Variants in SOX6 observed in about 807,000 individuals in gnomAD.
The protein encoded by SOX6 is transcription factor SOX-6.
Under a neutral mutation model 97.8 loss-of-function variants are expected in SOX6, and 11 were observed. The ratio of observed to expected loss-of-function variants is 0.11; its 90% CI spans 0.07 to 0.19. The LOEUF (loss-of-function observed/expected upper bound fraction) is 0.19. SOX6 is among the 10% of genes least tolerant of loss of function. The pLI, the probability that SOX6 is intolerant of heterozygous loss-of-function variation, is 1.00. For missense variants in SOX6, 810 were observed against 1,039.5 expected (o/e 0.78, Z 3.04); for synonymous variants, 360 against 371.4 (o/e 0.97, Z 0.35).
chr11:16,009,199 A>T (rs1296948470), intron 13 of SOX6, among the ~76,000 whole-genome samples: 1 of 152,038 alleles, frequency 6.6e-6, no homozygotes, highest in Non-Finnish European at 1.5e-5. Flanking sequence ...ATAATTACAC[A>T]ATAATTGTAT....
At chr11:16,599,032 A>G (rs1313673512) in intron 4 of SOX6, among the ~76,000 whole-genome samples, 1 of 152,148 alleles carries the variant, frequency 6.6e-6, no homozygotes, top group Admixed American at 6.5e-5. Flanking sequence ...CTTTGAATTT[A>G]TCTTATATTT....
intron 9 of SOX6, among the ~76,000 whole-genome samples, chr11:16,075,672 G>A (rs914087925): frequency 1.1e-4 from 16 of 152,072 alleles, no homozygotes; most frequent in Non-Finnish European, 2.1e-4. Context: ...GGGGGCTGGG[G>A]GAGGGATAGC....
At chr11:16,278,342 C>T (rs1203506640) in intron 3 of SOX6, among the ~76,000 whole-genome samples, 1 of 151,982 alleles carries the variant, frequency 6.6e-6, no homozygotes, top group Non-Finnish European at 1.5e-5. Context: ...TCAAATAACC[C>T]AACAAGGCAT....
intron 3 of SOX6, among the ~76,000 whole-genome samples, chr11:16,246,385 T>G (rs999327568): frequency 1.3e-5 from 2 of 151,950 alleles, no homozygotes; most frequent in Non-Finnish European, 1.5e-5. Flanking sequence ...CATCTAGTAT[T>G]ATTTTCTTCA....
intron 4 of SOX6, among the ~76,000 whole-genome samples, chr11:16,551,622 GA>G (rs1847687553): frequency 6.6e-6 from 1 of 151,644 alleles, no homozygotes; most frequent in Non-Finnish European, 1.5e-5. Context: ...ATATTTTTTT[GA>G]GACAGAGTCT....
rs181554488 is a variant in SOX6, at chr11:16,232,035, T to C, written c.535+2547A>G. On this transcript the variant is annotated intron_variant, in intron 4 of 15. Transcript: ENST00000683767. ...TATGTTTCTTACAGATAAATACATA[T>C]GAATTTTATAATCAGAAAAATATAA... Among the ~76,000 whole-genome samples the C allele has an allele frequency of 8.6e-3, 1,314 of 151,930 alleles. 26 individuals are homozygous for C. Among genetic ancestry groups the C allele is most frequent in the African/African-American group, 0.03 (1,231 of 41,536 alleles).
intron 3 of SOX6, among the ~76,000 whole-genome samples, chr11:16,255,436 C>T (rs1429081942): frequency 1.3e-5 from 2 of 151,924 alleles, no homozygotes; most frequent in Non-Finnish European, 2.9e-5. Context: ...AACTAGAAAT[C>T]GGTAACAGAA....
At chr11:16,640,929 A>G (rs926082813) in intron 3 of SOX6, among the ~76,000 whole-genome samples, 8 of 151,768 alleles carry the variant, frequency 5.3e-5, no homozygotes, top group African/African-American at 1.5e-4. Flanking sequence ...CTCTGATCTT[A>G]GTTATTTCTT....
intron 3 of SOX6, among the ~76,000 whole-genome samples, chr11:16,638,821 C>A (rs945613918): frequency 1.2e-4 from 18 of 151,900 alleles, no homozygotes; most frequent in Admixed American, 1.2e-3. Context: ...TGATATTAGC[C>A]CTTTGTCAGA....
At chr11:16,379,209 G>A (rs984860966) in intron 1 of SOX6, among the ~76,000 whole-genome samples, 1 of 152,156 alleles carries the variant, frequency 6.6e-6, no homozygotes, top group African/African-American at 2.4e-5. Context: ...GTTCATGCCT[G>A]TAATCCCAAC....
upstream of SOX6, among the ~76,000 whole-genome samples, chr11:16,360,299 G>T: frequency 6.6e-6 from 1 of 152,078 alleles, no homozygotes; most frequent in African/African-American, 2.4e-5. Flanking sequence ...TATATATTCT[G>T]ATTCTTTCCT....
At position 16,132,448 on chromosome 11, in the gene SOX6, G is replaced by A. The variant is rs866943036; in HGVS notation, c.778-20525C>T. Among the ~76,000 whole-genome samples, 74 of 74,102 alleles carry A rather than the reference G, an allele frequency of 1.0e-3. 1 individual carries two copies. The highest frequency in any genetic ancestry group is 2.0e-3 in the South Asian group (4 of 1,998). The allele number at this position is 74,102 out of a possible 152,430, so 48.6% of individuals were successfully genotyped here. On this transcript the variant is annotated intron_variant, in intron 6 of 15. Coordinates refer to ENST00000683767, the MANE Select transcript of SOX6 (RefSeq NM_001367873.1). ...AAGAAAGAAAGAAAGAAAGAAAAAAGAAAGAAAGAAAGAAAGAAAGAAAGA... is the reference window on the plus strand; with the variant it reads ...AAGAAAGAAAGAAAGAAAGAAAAAAAAAAGAAAGAAAGAAAGAAAGAAAGA...
intron 3 of SOX6, among the ~76,000 whole-genome samples, chr11:16,287,123 G>A (rs905223007): frequency 1.3e-5 from 2 of 151,950 alleles, no homozygotes; most frequent in Non-Finnish European, 2.9e-5. Context: ...ATGTAAAATT[G>A]TTGTTCTGAT....
At chr11:16,147,726 A>G (rs1339035353) in intron 6 of SOX6, among the ~76,000 whole-genome samples, 1 of 152,104 alleles carries the variant, frequency 6.6e-6, no homozygotes, top group Non-Finnish European at 1.5e-5. Flanking sequence ...ATCTCTTCCC[A>G]TCCACATGGA....
In SOX6 at chr11:16,461,430, C is replaced by A. The variant is rs572354467; in HGVS notation, c.-5+14885G>T. Among the ~76,000 whole-genome samples, 25 of 152,150 alleles carry A rather than the reference C, an allele frequency of 1.6e-4. No homozygotes were observed. In the South Asian group the frequency reaches 5.2e-3, roughly 32 times the overall value. On this transcript the variant is annotated intron_variant, in intron 1 of 15. Transcript: ENST00000396356. ...GTTGTGATGGTCCCCTATGATCTAC[C>A]GAATGCCTTAGCTTAGCCTTATGGA...
intron 9 of SOX6, among the ~76,000 whole-genome samples, chr11:16,061,141 C>G (rs1422242144): frequency 6.6e-6 from 1 of 151,558 alleles, no homozygotes; most frequent in Non-Finnish European, 1.5e-5. Flanking sequence ...TTTAATCACA[C>G]TGTTTCACAG....
In SOX6 at chr11:16,111,851, C is replaced by T; in HGVS notation, c.850G>A (p.Ala284Thr). The T allele has an allele frequency of 6.2e-7, 1 of 1,612,956 alleles. No individual in the cohort carries two copies. Among genetic ancestry groups the T allele is most frequent in the Admixed American group, 1.7e-5 (1 of 59,976 alleles). The change falls in exon 7 of 16, where the codon GCT (alanine) becomes ACT (threonine). Residue 284 changes from alanine (A) to threonine (T), a missense_variant. Ala to Thr is a moderately conservative substitution (Grantham distance 58, BLOSUM62 0). Transcript: ENST00000683767. ...HDQRTLAAAA[A>T]AQQGFLFPPG... ...GGGAAGAGGAATCCCTGTTGGGCAG[C>T]AGCAGCTGCTGCCAGAGTCCGCTGG...
intron 1 of SOX6, among the ~76,000 whole-genome samples, chr11:16,389,929 C>T (rs371879057): frequency 5.3e-5 from 7 of 132,844 alleles, no homozygotes; most frequent in African/African-American, 2.1e-4. Flanking sequence ...GAGATGGCGC[C>T]ACTGCAGTCT....
At chr11:16,579,749 C>A (rs115008854) in intron 4 of SOX6, among the ~76,000 whole-genome samples, 2 of 152,022 alleles carry the variant, frequency 1.3e-5, no homozygotes, top group East Asian at 1.9e-4. Flanking sequence ...AAAATTGCTA[C>A]GAACAAGCGG....
Sources: gnomAD v4.1 joint callset for allele counts (sites outside exome capture counted in the v4.1 genomes callset) on GRCh38, gnomAD v4.1.1 for gene constraint, MANE v1.5 for transcripts, NCBI Gene and HGNC (gene_info 2026-07-23, HGNC 2026-07-21) for gene names.